COL4A4: variants seen among roughly 807,000 people sequenced by gnomAD.
COL4A4 encodes collagen alpha-4(IV) chain.
In COL4A4, 105 loss-of-function variants were observed where a neutral mutation model predicts 192.9. The ratio of observed to expected loss-of-function variants is 0.54; its 90% CI spans 0.46 to 0.64. The LOEUF is 0.64. COL4A4 is among the 30% of genes least tolerant of loss of function. The probability of loss-of-function intolerance (pLI) is 0.00; values close to 1 mark genes in which losing one functional copy is unlikely to be tolerated. For synonymous variants in COL4A4, 762 were observed against 769.9 expected (o/e 0.99, Z 0.17); for missense variants, 1,967 against 2,169.3 (o/e 0.91, Z 1.85).
intron 25 of COL4A4, among the ~76,000 whole-genome samples, chr2:227,065,210 C>T (rs1421170059): frequency 1.3e-5 from 2 of 152,240 alleles, no homozygotes; most frequent in Non-Finnish European, 2.9e-5. Flanking sequence ...CAGGAGATCA[C>T]ATCCCGCACC....
the COL4A4 span, among the ~76,000 whole-genome samples, chr2:226,972,929 CAAAAAA>C: frequency 1.6e-5 from 2 of 127,032 alleles, no homozygotes; most frequent in Non-Finnish European, 1.7e-5. Flanking sequence ...AAGCCTGTAG[CAAAAAA>C]AAAAAAAAAA....
chr2:227,043,302 C>T, intron 35 of COL4A4, 118 bp from the exon 36 acceptor site: 1 of 854,830 alleles, frequency 1.2e-6, no homozygotes, highest in Non-Finnish European at 1.9e-6. Context: ...TAAATAGTTT[C>T]TATTGGAAAG....
intron 1 of COL4A4, among the ~76,000 whole-genome samples, chr2:227,148,231 G>T (rs1426271386): frequency 6.6e-6 from 1 of 152,134 alleles, no homozygotes; most frequent in African/African-American, 2.4e-5. Context: ...ATTCATAACA[G>T]CCAGAAGGTG....
In COL4A4 at chr2:227,057,551, T is replaced by C; in HGVS notation, c.2433A>G (p.Arg811=). The change falls in exon 29 of 48, where the codon AGA becomes AGG. Residue 811 remains arginine, a synonymous_variant. Coordinates refer to ENST00000396625, the MANE Select transcript of COL4A4 (RefSeq NM_000092.5). ...GFLGLKGPKG[R]EGHAGFPGVP... The stretch of plus-strand genomic sequence containing the variant: ...CACCTGGAAACCCAGCATGTCCCTC[T>C]CTGCCTTTGGGACCTTTGAGACCTA... 1 of 1,614,116 alleles carries C rather than the reference T, an allele frequency of 6.2e-7. No individual in the cohort carries two copies. The highest frequency in any genetic ancestry group is 8.5e-7 in the Non-Finnish European group (1 of 1,180,012).
At chr2:227,155,085 C>G (rs2064230384) in intron 1 of COL4A4, among the ~76,000 whole-genome samples, 1 of 152,210 alleles carries the variant, frequency 6.6e-6, no homozygotes, top group African/African-American at 2.4e-5. Context: ...TTCTGAGAAG[C>G]AGCAAGGAAA....
Position 227,007,561 on chromosome 2 carries a change from C to G in COL4A4, c.4837G>C (p.Gly1613Arg). Reference protein sequence around the residue: ...MHTGAGDQGGGQALMSPGSCL... With the variant: ...MHTGAGDQGGRQALMSPGSCL... ...CTGCCAGGTGACATAAGGGCCTGCC[C>G]TCCTCCTTGGTCCCCAGCTCCTGTG... Residue 1613 changes from glycine (G) to arginine (R), a missense_variant, in exon 48 of 48, where the codon GGG (glycine) becomes CGG (arginine). Transcript: ENST00000396625. 6.2e-7 allele frequency: 1 copy of G among 1,612,764 alleles called. No homozygotes were observed. Among genetic ancestry groups the G allele is most frequent in the South Asian group, 1.1e-5 (1 of 91,020 alleles).
intron 22 of COL4A4, among the ~76,000 whole-genome samples, chr2:227,082,469 G>A (rs1179869604): frequency 6.6e-6 from 1 of 152,238 alleles, no homozygotes; most frequent in Admixed American, 6.5e-5. Flanking sequence ...TTTTGACAGT[G>A]TACTGTGGTT....
At chr2:227,136,609 T>TCA (rs2062830515) in intron 4 of COL4A4, among the ~76,000 whole-genome samples, 1 of 152,144 alleles carries the variant, frequency 6.6e-6, no homozygotes, top group South Asian at 2.1e-4. Context: ...CTTAGATTGT[T>TCA]CCATCTCCAC....
At chr2:227,116,106 A>C (rs891525835) in intron 7 of COL4A4, among the ~76,000 whole-genome samples, 1 of 152,246 alleles carries the variant, frequency 6.6e-6, no homozygotes, top group Non-Finnish European at 1.5e-5. Flanking sequence ...TCTCAAATCC[A>C]TCTCCTGGAC....
Position 227,022,079 on chromosome 2 carries a change from C to A in COL4A4, c.4185G>T (p.Gly1395=), listed in dbSNP as rs55978207. 1 of 1,613,970 alleles carries A rather than the reference C, an allele frequency of 6.2e-7. No homozygotes were observed. Among genetic ancestry groups the A allele is most frequent in the South Asian group, 1.1e-5 (1 of 91,082 alleles). ...CTGAGGGGCCTCTCATTCCAGGGAG[C>A]CCCATGGCTCCTTCTGGTCCTCTCA... ...PGMRGPEGAM[G]LPGMRGPSGP... is the part of the protein sequence containing the mutation. The change falls in exon 44 of 48, where the codon GGG becomes GGT. Residue 1395 remains glycine, a synonymous_variant. Coordinates refer to ENST00000396625, the MANE Select transcript of COL4A4 (RefSeq NM_000092.5).
rs879019272 is a variant in COL4A4 at position 227,022,009 on chromosome 2, T to A, written c.4216+39A>T. On this transcript the variant is annotated intron_variant, in intron 44 of 47. Transcript: ENST00000396625. ...GATCTAGAATTTCATTTCAGCAATATATCATGAAAATAATGAACAATCAGC... is the reference window on the plus strand; with the variant it reads ...GATCTAGAATTTCATTTCAGCAATAAATCATGAAAATAATGAACAATCAGC... 3.1e-6 allele frequency: 5 copies of A among 1,600,278 alleles called. No individual in the cohort carries two copies. In the Admixed American group the frequency reaches 6.9e-5, roughly 22 times the overall value.
chr2:227,062,706 G>A, intron 25 of COL4A4, 108 bp from the exon 26 acceptor site: 1 of 782,114 alleles, frequency 1.3e-6, no homozygotes, highest in Non-Finnish European at 2.2e-6. Context: ...AGTATATGCA[G>A]AAGTCAAAGA....
chr2:227,088,780 A>G lies in COL4A4; in HGVS notation c.1496T>C (p.Met499Thr). 6.2e-7 allele frequency: 1 copy of G among 1,614,132 alleles called. No homozygotes were observed. The highest frequency in any genetic ancestry group is 1.7e-5 in the Admixed American group (1 of 60,024). Residue 499 changes from methionine (M) to threonine (T), a missense_variant, in exon 22 of 48, where the codon ATG becomes ACG. Physicochemically the swap from Met to Thr is moderately conservative, Grantham distance 81. Transcript: ENST00000396625. ...EGLCACEPGP[M>T]GPPGPPGLPG... Reference sequence around the variant, plus strand: ...AAGTCCTGGAGGGCCAGGGGGGCCCATGGGTCCAGGCTCACAGGCACAGAG... The same window carrying G: ...AAGTCCTGGAGGGCCAGGGGGGCCCGTGGGTCCAGGCTCACAGGCACAGAG...
intron 43 of COL4A4, chr2:227,022,524 G>C: frequency 1.8e-6 from 1 of 552,352 alleles, no homozygotes; most frequent in Non-Finnish European, 3.7e-6. Context: ...ATTTTTTACT[G>C]GAGTAGCAGC....
the COL4A4 span, among the ~76,000 whole-genome samples, chr2:226,993,283 T>C: frequency 9.2e-3 from 1,409 of 152,330 alleles, 22 homozygotes; most frequent in African/African-American, 0.032. Context: ...TCAGCCTCCA[T>C]GGGTTTCTGC....
intron 3 of COL4A4, among the ~76,000 whole-genome samples, chr2:227,140,815 T>C (rs1343976915): frequency 1.3e-5 from 2 of 151,596 alleles, no homozygotes; most frequent in African/African-American, 4.9e-5. Flanking sequence ...ACTCCTGAAC[T>C]TGAATAATTT....
At chr2:227,089,629 A>G (rs1316747795) in intron 21 of COL4A4, among the ~76,000 whole-genome samples, 1 of 147,470 alleles carries the variant, frequency 6.8e-6, no homozygotes, top group Admixed American at 6.8e-5. Context: ...ATATAAATAT[A>G]TAAGACACAA....
chr2:227,109,399 C>T (rs2061051344), intron 9 of COL4A4, 113 bp from the exon 10 acceptor site: 5 of 847,228 alleles, frequency 5.9e-6, no homozygotes, highest in Non-Finnish European at 1.0e-5. Flanking sequence ...TCACAGCCAC[C>T]AGCACATCTG....
At chr2:226,970,039 G>T in the COL4A4 span, among the ~76,000 whole-genome samples, 23 of 131,948 alleles carry the variant, frequency 1.7e-4, no homozygotes, top group African/African-American at 6.8e-4. Context: ...TTTTAACCTG[G>T]TCACATCGTC....
Sources: allele counts gnomAD v4.1 joint callset (sites outside exome capture counted in the v4.1 genomes callset), GRCh38; gene constraint gnomAD v4.1.1; transcripts MANE v1.5; gene names NCBI Gene and HGNC (gene_info 2026-07-23, HGNC 2026-07-21).